PSKH2: variants seen among roughly 807,000 people sequenced by gnomAD.
The protein encoded by PSKH2 is protein serine kinase H2.
In PSKH2, 16 loss-of-function variants were observed where a neutral mutation model predicts 22.5. The ratio of observed to expected loss-of-function variants is 0.71; its 90% CI spans 0.48 to 1.08. The LOEUF (loss-of-function observed/expected upper bound fraction) is 1.08. Among genes scored for constraint, PSKH2 ranks in the 50% least tolerant of loss-of-function variants. The probability of loss-of-function intolerance (pLI) is 0.00; values close to 1 mark genes in which losing one functional copy is unlikely to be tolerated. For synonymous variants in PSKH2, 188 were observed against 184.8 expected, an observed-to-expected ratio of 1.02 and a Z score of -0.14; for missense variants, 516 against 492.8, an observed-to-expected ratio of 1.05 and a Z score of -0.44.
At chr8:86,064,705 T>G (rs1270595384) in intron 1 of PSKH2, 74 bp from the exon 2 acceptor site, 2 of 1,161,180 alleles carry the variant, frequency 1.7e-6, no homozygotes, top group Non-Finnish European at 1.2e-6. Flanking sequence ...CCATGCTTTA[T>G]ATCATCTTTT....
At chr8:86,069,957 G>T (rs1817924491), upstream of PSKH2, among the ~76,000 whole-genome samples, 7 of 152,106 alleles carry the variant, frequency 4.6e-5, no homozygotes. Flanking sequence ...AAAGGATATC[G>T]TCCCTCTAAA....
chr8:86,053,345 G>A (rs183662977), intron 2 of PSKH2, among the ~76,000 whole-genome samples: 4 of 152,020 alleles, frequency 2.6e-5, no homozygotes, highest in Admixed American at 6.6e-5. Context: ...GTTGCCTTCC[G>A]TGGTCTGGTA....
In PSKH2 at chr8:86,056,904, G is replaced by GTT. The variant is rs36014357; in HGVS notation, c.852+7059_852+7060dup. 6.3e-3 allele frequency among the ~76,000 whole-genome samples: 879 copies of GTT among 139,864 alleles called. 5 individuals carry two copies. Among genetic ancestry groups the GTT allele is most frequent in the Non-Finnish European group, 9.2e-3 (598 of 64,848 alleles). The allele number at this position is 139,864 out of a possible 152,430, so 91.8% of individuals were successfully genotyped here. On this transcript the variant is annotated intron_variant, in intron 2 of 2. Transcript: ENST00000276616. ...GCCAGTCTTGTTCCAGGTAGTTGGA[G>GTT]TTTTTTTTTTTTTTTGGTTTGTTTG...
At chr8:86,059,944 T>C (rs566529075) in intron 2 of PSKH2, among the ~76,000 whole-genome samples, 3 of 152,188 alleles carry the variant, frequency 2.0e-5, no homozygotes, top group Non-Finnish European at 2.9e-5. Flanking sequence ...GAAATCTACA[T>C]TAGTGAAGTA....
chr8:86,057,450 G>T (rs907530152), intron 2 of PSKH2, among the ~76,000 whole-genome samples: 9 of 151,850 alleles, frequency 5.9e-5, no homozygotes, highest in African/African-American at 1.7e-4. Flanking sequence ...GCAGTGGCCC[G>T]ATCTCAGCTC....
chr8:86,059,803 A>T (rs1004448262), intron 2 of PSKH2, among the ~76,000 whole-genome samples: 1 of 152,208 alleles, frequency 6.6e-6, no homozygotes, highest in Non-Finnish European at 1.5e-5. Context: ...ACTTGACGAT[A>T]TGGGAAACCA....
At chr8:86,054,211 T>C (rs1454506124) in intron 2 of PSKH2, among the ~76,000 whole-genome samples, 2 of 43,244 alleles carry the variant, frequency 4.6e-5, no homozygotes, top group East Asian at 9.1e-4. Context: ...AATTAAATAA[T>C]TTTTTTAAAG....
At chr8:86,052,845 T>G (rs1448360832) in intron 2 of PSKH2, among the ~76,000 whole-genome samples, 1 of 152,224 alleles carries the variant, frequency 6.6e-6, no homozygotes, top group South Asian at 2.1e-4. Flanking sequence ...TGTGGATATT[T>G]CAGGCCTTTT....
intron 2 of PSKH2, among the ~76,000 whole-genome samples, chr8:86,056,569 T>C (rs1299932447): frequency 6.6e-6 from 1 of 152,154 alleles, no homozygotes; most frequent in Admixed American, 6.5e-5. Context: ...AAGTTTGTAC[T>C]GCAGAAAAAA....
chr8:86,051,561 A>T (rs1817630474), intron 2 of PSKH2, among the ~76,000 whole-genome samples: 1 of 152,228 alleles, frequency 6.6e-6, no homozygotes, highest in African/African-American at 2.4e-5. Context: ...TAAACTCTGC[A>T]AGTCTAGAAA....
At chr8:86,066,943 C>T (rs910991763) in intron 1 of PSKH2, among the ~76,000 whole-genome samples, 1 of 152,136 alleles carries the variant, frequency 6.6e-6, no homozygotes, top group Non-Finnish European at 1.5e-5. Flanking sequence ...AATTCTATTG[C>T]TTTGCAGACC....
At chr8:86,054,970 C>G (rs4961058) in intron 2 of PSKH2, among the ~76,000 whole-genome samples, 129,858 of 152,060 alleles carry the variant, frequency 0.85, 55,743 homozygotes, top group African/African-American at 0.91. Context: ...AACAACGTAA[C>G]AGTGACCAAA....
At chr8:86,050,521 C>T (rs1817615366) in intron 2 of PSKH2, among the ~76,000 whole-genome samples, 1 of 152,168 alleles carries the variant, frequency 6.6e-6, no homozygotes, top group South Asian at 2.1e-4. Flanking sequence ...AGCACACGCC[C>T]CACAGAAGTT....
Position 86,069,614 on chromosome 8 carries a change from G to C in PSKH2, c.9C>G (p.Cys3Trp). 6.3e-7 allele frequency: 1 copy of C among 1,584,632 alleles called. No individual in the cohort carries two copies. Among genetic ancestry groups the C allele is most frequent in the South Asian group, 1.1e-5 (1 of 88,042 alleles). The change falls in exon 1 of 3, where the codon TGC (cysteine) becomes TGG (tryptophan). Residue 3 changes from cysteine (C) to tryptophan (W), a missense_variant. By Grantham distance (215) the Cys-to-Trp change is radical (BLOSUM62 -2). Transcript: ENST00000276616. MG[C>W]GASRKVVPGP... ...CCGGGACCACCTTCCTGCTGGCGCCGCACCCCATACCCGCAACACGCCCGC... is the reference window on the plus strand; with the variant it reads ...CCGGGACCACCTTCCTGCTGGCGCCCCACCCCATACCCGCAACACGCCCGC...
chr8:86,049,394 A>G (rs1306712154), intron 2 of PSKH2, among the ~76,000 whole-genome samples: 3 of 151,914 alleles, frequency 2.0e-5, no homozygotes, highest in East Asian at 3.9e-4. Context: ...CCCCATCTCT[A>G]CAAAAAATGT....
chr8:86,064,042 A>C lies in PSKH2; in HGVS notation c.775T>G (p.Phe259Val). The change falls in exon 2 of 3, where the codon TTC (phenylalanine) becomes GTC (valine). Residue 259 changes from phenylalanine (F) to valine (V), a missense_variant. Coordinates refer to ENST00000276616, the MANE Select transcript of PSKH2 (RefSeq NM_033126.3). ...TGGCTTTCATCATCAAAAGGCAGGAATCCGCTAAGTAAAGCATATGTGATC... is the reference window on the plus strand; with the variant it reads ...TGGCTTTCATCATCAAAAGGCAGGACTCCGCTAAGTAAAGCATATGTGATC... ...GVITYALLSG[F>V]LPFDDESQTR... 6.2e-7 allele frequency: 1 copy of C among 1,614,126 alleles called. No individual in the cohort carries two copies. The highest frequency in any genetic ancestry group is 1.6e-4 in the Middle Eastern group (1 of 6,062).
At chr8:86,049,278 G>A (rs762236439) in intron 2 of PSKH2, among the ~76,000 whole-genome samples, 1 of 152,164 alleles carries the variant, frequency 6.6e-6, no homozygotes, top group Non-Finnish European at 1.5e-5. Flanking sequence ...CTTACTCTGA[G>A]CCAGGCACAG....
chr8:86,066,160 G>A (rs1817854131), intron 1 of PSKH2, among the ~76,000 whole-genome samples: 3 of 150,232 alleles, frequency 2.0e-5, no homozygotes, highest in Admixed American at 2.0e-4. Context: ...TAGCCAATTG[G>A]TTGTTTACGT....
intron 1 of PSKH2, among the ~76,000 whole-genome samples, chr8:86,069,034 G>T (rs770740487): frequency 2.6e-5 from 4 of 152,176 alleles, no homozygotes; most frequent in Non-Finnish European, 4.4e-5. Flanking sequence ...AAAGAAAATG[G>T]ACGCCTTCGA....
Sources: gnomAD v4.1 joint callset for allele counts (sites outside exome capture counted in the v4.1 genomes callset) on GRCh38, gnomAD v4.1.1 for gene constraint, MANE v1.5 for transcripts, NCBI Gene and HGNC (gene_info 2026-07-23, HGNC 2026-07-21) for gene names.